The following MIGA2 variants were observed in gnomAD, a reference collection of about 807,000 sequenced individuals.
MIGA2 encodes family with sequence similarity 73, member B.
A neutral mutation model predicts 69.9 loss-of-function variants in MIGA2; 36 were observed. That is an observed-to-expected ratio of 0.52 (90% confidence interval 0.39 to 0.68). MIGA2 has a LOEUF of 0.68. MIGA2 is among the 30% of genes least tolerant of loss of function. The probability of loss-of-function intolerance (pLI) is 0.00; values close to 1 mark genes in which losing one functional copy is unlikely to be tolerated. For synonymous variants in MIGA2, 333 were observed against 349.2 expected, an observed-to-expected ratio of 0.95 and a Z score of 0.52; for missense variants, 660 against 787.7, an observed-to-expected ratio of 0.84 and a Z score of 1.94.
intron 1 of MIGA2, among the ~76,000 whole-genome samples, chr9:129,037,399 A>G (rs1172874138): frequency 6.6e-6 from 1 of 152,168 alleles, no homozygotes; most frequent in Non-Finnish European, 1.5e-5. Flanking sequence ...AGGGCACAAG[A>G]GATGGCTGCC....
At chr9:129,048,787 G>T (rs1420504315) in intron 4 of MIGA2, among the ~76,000 whole-genome samples, 1 of 152,180 alleles carries the variant, frequency 6.6e-6, no homozygotes, top group East Asian at 1.9e-4. Context: ...CTGTGAAAGT[G>T]CAGGTTATTC....
chr9:129,043,823 C>T (rs774551585), intron 3 of MIGA2, among the ~76,000 whole-genome samples: 1 of 152,024 alleles, frequency 6.6e-6, no homozygotes, highest in Non-Finnish European at 1.5e-5. Context: ...GCCTCAGCCT[C>T]CGGAGTAGCT....
chr9:129,050,047 C>G, intron 6 of MIGA2, 84 bp downstream of exon 6: 3 of 1,516,666 alleles, frequency 2.0e-6, no homozygotes, highest in Non-Finnish European at 1.8e-6. Flanking sequence ...GGGAGGCAGG[C>G]AGTCTCCTGT....
Position 129,060,947 on chromosome 9 carries a change from A to G in MIGA2, c.895-284A>G, listed in dbSNP as rs1846038031. On this transcript the variant is annotated intron_variant, in intron 8 of 15. Transcript: ENST00000684074. This position sits in a 1 kb window ranked among gnomAD's most constrained non-coding sequence, Gnocchi z 4.8. ...GGCCTCAGTCTCCTGCCATGGGCAC[A>G]TGGATCAGGCACTGTGTCCTTCCTT... 2.6e-5 allele frequency among the ~76,000 whole-genome samples: 4 copies of G among 152,216 alleles called. No homozygotes were observed. The highest frequency in any genetic ancestry group is 2.1e-4 in the South Asian group (1 of 4,830).
At chr9:129,041,729 C>G (rs976706662) in intron 2 of MIGA2, among the ~76,000 whole-genome samples, 1 of 152,156 alleles carries the variant, frequency 6.6e-6, no homozygotes, top group African/African-American at 2.4e-5. Flanking sequence ...GGATCTTGAC[C>G]GAAGATCTGC....
chr9:129,052,824 G>T (rs1005928122), intron 6 of MIGA2, among the ~76,000 whole-genome samples: 2 of 152,138 alleles, frequency 1.3e-5, no homozygotes, highest in Non-Finnish European at 2.9e-5. Flanking sequence ...TGAAGGTCAG[G>T]GAAATACCTG....
intron 1 of MIGA2, 58 bp downstream of exon 1, chr9:129,036,739 A>T: frequency 6.0e-6 from 1 of 165,978 alleles, no homozygotes; most frequent in Non-Finnish European, 1.4e-5. Context: ...CAGGGCCGGG[A>T]CTTGAGCGGA....
chr9:129,061,374 G>C lies in MIGA2; in HGVS notation c.1010+28G>C. ...GAGCAGGTGTGGAGGGAGGGAGGGA[G>C]GGAGCAGGAGGCGATGGGTGATTCT... On this transcript the variant is annotated intron_variant, in intron 9 of 15. Coordinates refer to ENST00000684074, the MANE Select transcript of MIGA2 (RefSeq NM_001329990.2). This position sits in a 1 kb window ranked among gnomAD's most constrained non-coding sequence, Gnocchi z 5.0. The C allele has an allele frequency of 6.5e-7, 1 of 1,531,218 alleles. No homozygotes were observed. Among genetic ancestry groups the C allele is most frequent in the African/African-American group, 1.4e-5 (1 of 72,920 alleles). 94.9% of individuals were successfully genotyped at this position (1,531,218 alleles called of 1,614,324 possible). A position where few individuals can be genotyped will look rare whatever the true frequency, so the allele number is the denominator to read the frequency against.
At chr9:129,057,233 C>G (rs775220903) in intron 6 of MIGA2, among the ~76,000 whole-genome samples, 2 of 152,028 alleles carry the variant, frequency 1.3e-5, no homozygotes, top group Non-Finnish European at 2.9e-5. Context: ...GATATCCTTT[C>G]TCCTCAATGA....
intron 9 of MIGA2, among the ~76,000 whole-genome samples, chr9:129,062,290 G>A (rs559188318): frequency 6.6e-6 from 1 of 151,870 alleles, no homozygotes; most frequent in South Asian, 2.1e-4. Context: ...CAGCACTTTG[G>A]GAGGCCAAGG....
chr9:129,063,531 TC>T lies in MIGA2; in HGVS notation c.1084-12del. ...TGCCCGGCAGCTCACTCCCCTCCCT[TC>T]CTCCTTCCCTAGGGGCTTCTGGAAG... On this transcript the variant is annotated splice_polypyrimidine_tract_variant and intron_variant, in intron 10 of 15. Transcript: ENST00000684074. The T allele has an allele frequency of 6.2e-7, 1 of 1,612,486 alleles. No homozygotes were observed.
intron 11 of MIGA2, among the ~76,000 whole-genome samples, chr9:129,064,458 C>G (rs1846234569): frequency 6.6e-6 from 1 of 151,792 alleles, no homozygotes; most frequent in South Asian, 2.1e-4. Flanking sequence ...CCGCCCGCCT[C>G]GGCCTCCCAA....
At chr9:129,039,952 C>T in intron 1 of MIGA2, 1 of 152,364 alleles carries the variant, frequency 6.6e-6, no homozygotes, top group Non-Finnish European at 1.5e-5. Context: ...ACCATATTGG[C>T]CAGGCTGGTC....
rs1845932928 is a variant in MIGA2 at position 129,059,074 on chromosome 9, G to C, written c.676-80G>C. On this transcript the variant is annotated intron_variant, in intron 6 of 15. Transcript: ENST00000684074. This position sits in a 1 kb window ranked among gnomAD's most constrained non-coding sequence, Gnocchi z 5.6. ...TCCTAGAGCTCCTCCCCTTTCCCCA[G>C]GGACCTGGGGGTGAGGGAAGGGGCC... 7.7e-7 allele frequency: 1 copy of C among 1,291,424 alleles called. No homozygotes were observed. The highest frequency in any genetic ancestry group is 1.1e-6 in the Non-Finnish European group (1 of 895,828). 80.0% of individuals were successfully genotyped at this position (1,291,424 alleles called of 1,614,324 possible). A position where few individuals can be genotyped will look rare whatever the true frequency, so the allele number is the denominator to read the frequency against.
Position 129,069,486 on chromosome 9 carries a change from C to T in MIGA2, c.1458+357C>T. 2.0e-6 allele frequency: 1 copy of T among 510,234 alleles called. No individual in the cohort carries two copies. The highest frequency in any genetic ancestry group is 3.6e-6 in the Non-Finnish European group (1 of 281,394). The allele number at this position is 510,234 out of a possible 1,614,324, so 31.6% of individuals were successfully genotyped here. A position where few individuals can be genotyped will look rare whatever the true frequency, so the allele number is the denominator to read the frequency against. ...TGCCCTTTCCCCGCCCCAGTCAGGC[C>T]CCTGTAATCTCCGCTCCCAGGCAGC... On this transcript the variant is annotated intron_variant, in intron 14 of 15. Transcript: ENST00000684074. This position sits in a 1 kb window ranked among gnomAD's most constrained non-coding sequence, Gnocchi z 4.9.
chr9:129,071,297 C>G lies in MIGA2; in HGVS notation c.*844C>G, dbSNP rs533959285. On this transcript the variant is annotated 3_prime_UTR_variant, in exon 16 of 16. Transcript: ENST00000684074. Reference sequence around the variant, plus strand: ...AGGTCAGAGGATGTATGTGGCCGGACCAGCTTCCCCACCTTCATTAGGACA... The same window carrying G: ...AGGTCAGAGGATGTATGTGGCCGGAGCAGCTTCCCCACCTTCATTAGGACA... 6.6e-6 allele frequency: 1 copy of G among 152,574 alleles called. No homozygotes were observed. The highest frequency in any genetic ancestry group is 6.5e-5 in the Admixed American group (1 of 15,300). 9.5% of individuals were successfully genotyped at this position (152,574 alleles called of 1,614,324 possible). A position where few individuals can be genotyped will look rare whatever the true frequency, so the allele number is the denominator to read the frequency against.
In MIGA2 at chr9:129,068,538, A is replaced by G; in HGVS notation, c.1404+206A>G. ...CTGCCTGGTGCCCCAGTTTAGAACC[A>G]ACATGGTGTGCGCTTTCTTCCTATT... is the stretch of plus-strand genomic sequence containing the variant. On this transcript the variant is annotated intron_variant, in intron 13 of 15. Transcript: ENST00000684074. The surrounding 1 kb of genome is among the most constrained non-coding windows in gnomAD (Gnocchi z 4.1). 1.7e-6 allele frequency: 1 copy of G among 599,118 alleles called. No individual in the cohort carries two copies. Among genetic ancestry groups the G allele is most frequent in the Non-Finnish European group, 2.9e-6 (1 of 344,264 alleles). The allele number at this position is 599,118 out of a possible 1,614,324, so 37.1% of individuals were successfully genotyped here.
rs1010959671 is a variant in MIGA2, at chr9:129,059,887, G to A, written c.793+616G>A. Among the ~76,000 whole-genome samples, 1 of 152,164 alleles carries A rather than the reference G, an allele frequency of 6.6e-6. No individual in the cohort carries two copies. Among genetic ancestry groups the A allele is most frequent in the African/African-American group, 2.4e-5 (1 of 41,446 alleles). The stretch of plus-strand genomic sequence containing the variant: ...TGGAGACACAGAACCGGAGTGGGTC[G>A]GCCGAGCCACGCACCCTGCCCTGGC... On this transcript the variant is annotated intron_variant, in intron 7 of 15. Transcript: ENST00000684074. This position sits in a 1 kb window ranked among gnomAD's most constrained non-coding sequence, Gnocchi z 5.6.
chr9:129,056,541 C>T (rs1470737180), intron 6 of MIGA2, among the ~76,000 whole-genome samples: 1 of 147,740 alleles, frequency 6.8e-6, no homozygotes, highest in South Asian at 2.1e-4. Context: ...TTTTTTAAGA[C>T]GGACTCCTGC....
Sources: gnomAD v4.1 joint callset for allele counts (sites outside exome capture counted in the v4.1 genomes callset) on GRCh38, gnomAD v4.1.1 for gene constraint, Gnocchi (gnomAD v3.1) non-coding constraint, MANE v1.5 for transcripts, NCBI Gene and HGNC (gene_info 2026-07-23, HGNC 2026-07-21) for gene names.